Variants in NFIB observed in about 807,000 individuals in gnomAD.
NFIB encodes nuclear factor 1 B-type.
Under a neutral mutation model 61.5 loss-of-function variants are expected in NFIB, and 11 were observed. That is an observed-to-expected ratio of 0.18 (90% CI 0.11 to 0.30). The LOEUF is 0.30. Among genes scored for constraint, NFIB ranks in the 10% least tolerant of loss-of-function variants. The pLI is 1.00. For synonymous variants in NFIB, 260 were observed against 216.5 expected, an observed-to-expected ratio of 1.20 and a Z score of -1.76; for missense variants, 471 against 608.9, an observed-to-expected ratio of 0.77 and a Z score of 2.38.
intron 1 of NFIB, among the ~76,000 whole-genome samples, chr9:14,330,963 A>G (rs1334451008): frequency 1.3e-5 from 2 of 152,016 alleles, no homozygotes; most frequent in Non-Finnish European, 1.5e-5. Flanking sequence ...AGTTTCCCCG[A>G]GGTCTAGATA....
intron 1 of NFIB, among the ~76,000 whole-genome samples, chr9:14,391,726 G>GA (rs998423168): frequency 3.0e-4 from 45 of 151,808 alleles, no homozygotes; most frequent in African/African-American, 8.0e-4. Context: ...AATCAGGGGA[G>GA]AAAAAAAACA....
At chr9:14,169,396 A>G (rs2045311110) in intron 3 of NFIB, among the ~76,000 whole-genome samples, 1 of 152,126 alleles carries the variant, frequency 6.6e-6, no homozygotes. Flanking sequence ...TTGGTATGAA[A>G]GATGCCAAGG....
At chr9:14,305,711 A>G (rs562615279) in intron 2 of NFIB, 3 of 218,400 alleles carry the variant, frequency 1.4e-5, no homozygotes, top group East Asian at 9.3e-5. Flanking sequence ...CAAAAAGCAC[A>G]TAGTGAGGGC....
chr9:14,289,139 TAC>T (rs984359062), intron 2 of NFIB, among the ~76,000 whole-genome samples: 1 of 143,730 alleles, frequency 7.0e-6, no homozygotes, highest in Non-Finnish European at 1.5e-5. Flanking sequence ...TATATATATA[TAC>T]ATATATATAT....
At chr9:14,166,137 T>C (rs940446853) in intron 3 of NFIB, among the ~76,000 whole-genome samples, 2 of 152,198 alleles carry the variant, frequency 1.3e-5, no homozygotes, top group Admixed American at 1.3e-4. Flanking sequence ...TTTATAACAA[T>C]TACTTGGTCA....
chr9:14,302,314 A>G (rs1332639167), intron 2 of NFIB, among the ~76,000 whole-genome samples: 1 of 152,230 alleles, frequency 6.6e-6, no homozygotes, highest in Non-Finnish European at 1.5e-5. Context: ...CTCACTAATG[A>G]TATGTGACAA....
At chr9:14,384,563 T>C (rs2061527375) in intron 1 of NFIB, among the ~76,000 whole-genome samples, 1 of 151,984 alleles carries the variant, frequency 6.6e-6, no homozygotes, top group Non-Finnish European at 1.5e-5. Flanking sequence ...GGTAATAGAG[T>C]AGATTGTCCA....
chr9:14,384,337 AG>A (rs1250361322), intron 1 of NFIB, among the ~76,000 whole-genome samples: 2 of 152,214 alleles, frequency 1.3e-5, no homozygotes, highest in East Asian at 3.9e-4. Flanking sequence ...GGTAGTAAAC[AG>A]CCTGAGAGAA....
chr9:14,449,172 G>A, the NFIB span, among the ~76,000 whole-genome samples: 1 of 152,112 alleles, frequency 6.6e-6, no homozygotes, highest in Non-Finnish European at 1.5e-5. Flanking sequence ...ATATTTAATG[G>A]CATCAGAAAG....
chr9:14,165,027 C>A (rs570266665), intron 3 of NFIB, among the ~76,000 whole-genome samples: 1 of 152,182 alleles, frequency 6.6e-6, no homozygotes, highest in East Asian at 1.9e-4. Context: ...TACCCCAGAC[C>A]CTCAGAATCA....
At position 14,118,790 on chromosome 9, in the gene NFIB, G is replaced by A. The variant is rs1587348256; in HGVS notation, c.1245+1650C>T. Among the ~76,000 whole-genome samples the A allele has an allele frequency of 2.2e-5, 3 of 136,966 alleles. No homozygotes were observed. In the Admixed American group the frequency reaches 2.3e-4, roughly 11 times the overall value. The allele number at this position is 136,966 out of a possible 152,430, so 89.9% of individuals were successfully genotyped here. A position where few individuals can be genotyped will look rare whatever the true frequency, so the allele number is the denominator to read the frequency against. On this transcript the variant is annotated intron_variant, in intron 8 of 10. Coordinates refer to ENST00000380953, the MANE Select transcript of NFIB (RefSeq NM_001190737.2). ...TTTCTTTTTTTTTTTTTTTTGAGATGAGAGTAATATGCTTCCTTAGAAGGT... is the reference window on the plus strand; with the variant it reads ...TTTCTTTTTTTTTTTTTTTTGAGATAAGAGTAATATGCTTCCTTAGAAGGT...
chr9:14,317,532 T>C (rs1043082495), upstream of NFIB, among the ~76,000 whole-genome samples: 1 of 152,190 alleles, frequency 6.6e-6, no homozygotes, highest in Non-Finnish European at 1.5e-5. Flanking sequence ...GATAGGAGTA[T>C]GGTGAGGCGA....
chr9:14,302,931 G>A (rs1438322769), intron 2 of NFIB, among the ~76,000 whole-genome samples: 1 of 152,102 alleles, frequency 6.6e-6, no homozygotes. Flanking sequence ...TAACTATCTA[G>A]GAAACTTTAA....
At chr9:14,173,053 C>G (rs985986281) in intron 3 of NFIB, among the ~76,000 whole-genome samples, 1 of 152,238 alleles carries the variant, frequency 6.6e-6, no homozygotes, top group Non-Finnish European at 1.5e-5. Flanking sequence ...CAATTCAACA[C>G]ATTTCTATTT....
intron 2 of NFIB, among the ~76,000 whole-genome samples, chr9:14,190,993 G>A (rs906035660): frequency 3.3e-5 from 5 of 152,142 alleles, no homozygotes; most frequent in Non-Finnish European, 7.3e-5. Flanking sequence ...AGGAGTTCAA[G>A]ACCAGCCTGG....
At chr9:14,406,382 G>C in the NFIB span, among the ~76,000 whole-genome samples, 2 of 152,312 alleles carry the variant, frequency 1.3e-5, no homozygotes, top group African/African-American at 4.8e-5. Flanking sequence ...GGAGGCAGTA[G>C]GTAATTGTCC....
intron 1 of NFIB, among the ~76,000 whole-genome samples, chr9:14,323,108 C>T (rs2060701660): frequency 6.6e-6 from 1 of 152,216 alleles, no homozygotes; most frequent in Non-Finnish European, 1.5e-5. Flanking sequence ...GGAGGACTCC[C>T]GAAATGTTCC....
chr9:14,272,791 C>T (rs1422477448), intron 2 of NFIB, among the ~76,000 whole-genome samples: 1 of 150,604 alleles, frequency 6.6e-6, no homozygotes, highest in Non-Finnish European at 1.5e-5. Context: ...ATTTTTAAAT[C>T]CTTTGAGGTT....
intron 10 of NFIB, among the ~76,000 whole-genome samples, chr9:14,111,613 C>G (rs1156621182): frequency 1.3e-5 from 2 of 151,814 alleles, no homozygotes; most frequent in Non-Finnish European, 2.9e-5. Flanking sequence ...ATACATCTGT[C>G]AAATAGAACC....
Sources: gnomAD v4.1 joint callset for allele counts (sites outside exome capture counted in the v4.1 genomes callset) on GRCh38, gnomAD v4.1.1 for gene constraint, MANE v1.5 for transcripts, NCBI Gene and HGNC (gene_info 2026-07-23, HGNC 2026-07-21) for gene names.